NRF1: variants seen among roughly 807,000 people sequenced by gnomAD.
The protein encoded by NRF1 is nuclear respiratory factor 1, also known as alpha palindromic-binding protein.
In NRF1, 5 loss-of-function variants were observed where a neutral mutation model predicts 58.5. That is an observed-to-expected ratio of 0.09 (90% CI 0.04 to 0.18). The LOEUF (loss-of-function observed/expected upper bound fraction) is 0.18. NRF1 is among the 10% of genes least tolerant of loss of function. The pLI is 1.00. For missense variants in NRF1, 288 were observed against 657.7 expected (o/e 0.44, Z 6.15); for synonymous variants, 224 against 246.7 (o/e 0.91, Z 0.86).
intron 1 of NRF1, among the ~76,000 whole-genome samples, chr7:129,653,182 T>TG (rs1801576219): frequency 1.3e-5 from 2 of 152,232 alleles, no homozygotes; most frequent in South Asian, 4.1e-4. Flanking sequence ...GTATTTGTTC[T>TG]TTTTTGTGGC....
intron 2 of NRF1, among the ~76,000 whole-genome samples, chr7:129,658,976 C>G (rs1284795935): frequency 6.7e-6 from 1 of 149,486 alleles, no homozygotes; most frequent in Non-Finnish European, 1.5e-5. Context: ...AACTACTACA[C>G]CATTTTATAT....
chr7:129,739,557 AT>A (rs1434397332), intron 10 of NRF1, among the ~76,000 whole-genome samples: 2 of 149,726 alleles, frequency 1.3e-5, no homozygotes, highest in African/African-American at 4.9e-5. Context: ...AAAAAAAAAA[AT>A]CTACCCATGT....
At chr7:129,645,135 TA>T (rs1326699934) in intron 1 of NRF1, among the ~76,000 whole-genome samples, 1 of 152,226 alleles carries the variant, frequency 6.6e-6, no homozygotes, top group Admixed American at 6.5e-5. Context: ...AAGTTACACT[TA>T]TATAGCACTC....
intron 1 of NRF1, among the ~76,000 whole-genome samples, chr7:129,655,421 AC>A (rs1300015487): frequency 6.6e-6 from 1 of 152,030 alleles, no homozygotes; most frequent in African/African-American, 2.4e-5. Flanking sequence ...CAATCAGGGT[AC>A]CCTTTATTTC....
chr7:129,624,961 G>A (rs1800881517), intron 1 of NRF1, among the ~76,000 whole-genome samples: 1 of 152,114 alleles, frequency 6.6e-6, no homozygotes. Flanking sequence ...GACTGCATTC[G>A]TTTCCTGGGG....
intron 3 of NRF1, among the ~76,000 whole-genome samples, chr7:129,673,587 G>C (rs944032677): frequency 2.6e-5 from 4 of 151,740 alleles, no homozygotes; most frequent in Admixed American, 2.6e-4. Context: ...CGCAGTGGCG[G>C]GCGCCTGTAG....
chr7:129,668,215 G>C (rs1401608282), intron 2 of NRF1, among the ~76,000 whole-genome samples: 1 of 152,146 alleles, frequency 6.6e-6, no homozygotes, highest in Non-Finnish European at 1.5e-5. Flanking sequence ...GACACAGGAG[G>C]ATGTTTATGA....
chr7:129,641,399 C>T (rs1039368571), intron 1 of NRF1, among the ~76,000 whole-genome samples: 8 of 152,122 alleles, frequency 5.3e-5, no homozygotes, highest in African/African-American at 1.9e-4. Flanking sequence ...GTAAATACCC[C>T]CTTCACGTCC....
intron 2 of NRF1, among the ~76,000 whole-genome samples, chr7:129,670,267 CA>C (rs1421735436): frequency 5.9e-5 from 9 of 152,150 alleles, no homozygotes; most frequent in African/African-American, 1.9e-4. Context: ...TTATAGTTAG[CA>C]ATGATGTGTT....
chr7:129,722,251 C>T (rs1295029596), intron 9 of NRF1, among the ~76,000 whole-genome samples: 6 of 152,096 alleles, frequency 3.9e-5, no homozygotes, highest in African/African-American at 1.2e-4. Flanking sequence ...AGTAGCCGGG[C>T]GTGGTGGTGC....
At chr7:129,704,765 C>T (rs947080294) in intron 5 of NRF1, among the ~76,000 whole-genome samples, 6 of 152,070 alleles carry the variant, frequency 3.9e-5, no homozygotes, top group Non-Finnish European at 5.9e-5. Flanking sequence ...GTTTTGACAG[C>T]GACTTGAGGT....
At chr7:129,614,420 A>G (rs940915771) in intron 1 of NRF1, among the ~76,000 whole-genome samples, 1 of 130,964 alleles carries the variant, frequency 7.6e-6, no homozygotes, top group Admixed American at 7.6e-5. Context: ...CTGGCCCAAT[A>G]ATTTTCTTAT....
At chr7:129,754,065 C>T (rs979695225) in intron 10 of NRF1, among the ~76,000 whole-genome samples, 1 of 152,072 alleles carries the variant, frequency 6.6e-6, no homozygotes, top group African/African-American at 2.4e-5. Flanking sequence ...TTCCTAGATG[C>T]GGAGGCAGGC....
chr7:129,746,423 GCTT>G (rs996471815), intron 10 of NRF1, among the ~76,000 whole-genome samples: 36 of 152,234 alleles, frequency 2.4e-4, no homozygotes, highest in Admixed American at 6.5e-4. Flanking sequence ...TGCTAGACTA[GCTT>G]CTTTACTGAT....
chr7:129,628,775 A>G (rs79409964), intron 1 of NRF1, among the ~76,000 whole-genome samples: 1 of 152,260 alleles, frequency 6.6e-6, no homozygotes, highest in African/African-American at 2.4e-5. Flanking sequence ...TTTCTTAAAG[A>G]TGAGTTGCAA....
chr7:129,614,443 T>TGTGTGTGTGTGTGTG (rs71527915), intron 1 of NRF1, among the ~76,000 whole-genome samples: 8 of 145,746 alleles, frequency 5.5e-5, no homozygotes, highest in Non-Finnish European at 1.2e-4. Context: ...AAATATGTAT[T>TGTGTGTGTGTGTGTG]TGTGTGTGTG....
rs1005212144 is a variant in NRF1, at chr7:129,741,072, TTTTG to T, written c.1348+13711_1348+13714del. 3.3e-5 allele frequency among the ~76,000 whole-genome samples: 5 copies of T among 152,212 alleles called. No homozygotes were observed. Among genetic ancestry groups the T allele is most frequent in the Non-Finnish European group, 5.9e-5 (4 of 68,024 alleles). ...TTGGCATACCTTCATGTCCTCTTTT[TTTTG>T]TTTTTCTGTACTTCAATAGATGCAA... On this transcript the variant is annotated intron_variant, in intron 10 of 10. Transcript: ENST00000393232. This position sits in a 1 kb window ranked among gnomAD's most constrained non-coding sequence, Gnocchi z 4.0.
intron 1 of NRF1, among the ~76,000 whole-genome samples, chr7:129,632,412 A>G (rs1213886442): frequency 3.3e-5 from 5 of 152,216 alleles, no homozygotes; most frequent in African/African-American, 4.8e-5. Flanking sequence ...ACTTTAAACA[A>G]TTTTTGAAAT....
intron 1 of NRF1, 58 bp from the exon 2 acceptor site, chr7:129,657,288 A>G: frequency 8.0e-7 from 1 of 1,248,718 alleles, no homozygotes; most frequent in Non-Finnish European, 1.2e-6. Context: ...TCTTAGTTTA[A>G]ACATTGTGTT....
Sources: gnomAD v4.1 joint callset for allele counts (sites outside exome capture counted in the v4.1 genomes callset) on GRCh38, gnomAD v4.1.1 for gene constraint, Gnocchi (gnomAD v3.1) non-coding constraint, MANE v1.5 for transcripts, NCBI Gene and HGNC (gene_info 2026-07-23, HGNC 2026-07-21) for gene names.